TECRL: variants seen among roughly 807,000 people sequenced by gnomAD.
TECRL encodes the protein trans-2,3-enoyl-CoA reductase-like.
In TECRL, 63 loss-of-function variants were observed where a neutral mutation model predicts 52.8. The ratio of observed to expected loss-of-function variants is 1.19; its 90% CI spans 0.97 to 1.47. The LOEUF (loss-of-function observed/expected upper bound fraction) is 1.47. TECRL is among the 40% of genes most tolerant of loss of function. The pLI is 0.00. For synonymous variants in TECRL, 164 were observed against 141.9 expected, an observed-to-expected ratio of 1.16 and a Z score of -1.10; for missense variants, 482 against 429.6, an observed-to-expected ratio of 1.12 and a Z score of -1.08.
At chr4:64,276,440 G>C (rs928097411), downstream of TECRL, 5 of 151,720 alleles carry the variant, frequency 3.3e-5, no homozygotes, top group African/African-American at 1.2e-4. Context: ...TTTGTATAAT[G>C]TGTGTATATA....
chr4:64,331,200 C>G (rs1718615314), intron 2 of TECRL, among the ~76,000 whole-genome samples: 2 of 152,010 alleles, frequency 1.3e-5, no homozygotes, highest in Non-Finnish European at 2.9e-5. Flanking sequence ...CAATCTCTGC[C>G]TGTTCAAAGA....
intron 1 of TECRL, among the ~76,000 whole-genome samples, chr4:64,382,796 T>C (rs1391420304): frequency 6.6e-6 from 1 of 152,144 alleles, no homozygotes; most frequent in Non-Finnish European, 1.5e-5. Flanking sequence ...TTCTTTTTTT[T>C]CTTACTATCA....
intron 8 of TECRL, among the ~76,000 whole-genome samples, chr4:64,291,977 G>A (rs1421012359): frequency 6.6e-6 from 1 of 151,938 alleles, no homozygotes; most frequent in South Asian, 2.1e-4. Flanking sequence ...GGATTTTAAA[G>A]AGCAATAATA....
chr4:64,402,647 G>T (rs1649552980), intron 1 of TECRL, among the ~76,000 whole-genome samples: 1 of 151,942 alleles, frequency 6.6e-6, no homozygotes, highest in Non-Finnish European at 1.5e-5. Flanking sequence ...TGAAACTCAA[G>T]AAATAAAAAT....
intron 8 of TECRL, among the ~76,000 whole-genome samples, chr4:64,297,744 A>G (rs887251315): frequency 1.3e-5 from 2 of 151,212 alleles, no homozygotes; most frequent in Admixed American, 6.6e-5. Context: ...GCAGAATATT[A>G]TGCTTTCAAT....
In TECRL at chr4:64,409,403, G is replaced by A. The variant is rs759028826; in HGVS notation, c.-52C>T. ...ATGTCAAAAGTAGAAAATTGCAAGTGTGTTCCTTTTGCATCAGTTAAATAC... is the reference window on the plus strand; with the variant it reads ...ATGTCAAAAGTAGAAAATTGCAAGTATGTTCCTTTTGCATCAGTTAAATAC... On this transcript the variant is annotated 5_prime_UTR_variant, in exon 1 of 12. Transcript: ENST00000381210. 22 of 1,589,374 alleles carry A rather than the reference G, an allele frequency of 1.4e-5. No homozygotes were observed. The highest frequency in any genetic ancestry group is 1.8e-5 in the Non-Finnish European group (21 of 1,167,068).
chr4:64,315,222 C>A (rs953215808), intron 4 of TECRL, among the ~76,000 whole-genome samples: 15 of 151,986 alleles, frequency 9.9e-5, no homozygotes, highest in African/African-American at 3.4e-4. Context: ...ATTGATTTGA[C>A]TCTAATTCAA....
chr4:64,286,567 G>A (rs908210424), intron 9 of TECRL, among the ~76,000 whole-genome samples: 8 of 150,812 alleles, frequency 5.3e-5, no homozygotes, highest in African/African-American at 1.9e-4. Context: ...CCTACTAGAA[G>A]AGTACCTAGT....
At chr4:64,343,794 T>C (rs1359220972) in intron 2 of TECRL, among the ~76,000 whole-genome samples, 2 of 152,086 alleles carry the variant, frequency 1.3e-5, no homozygotes, top group East Asian at 1.9e-4. Context: ...TGATTGCTGA[T>C]ACATCAGTTT....
intron 2 of TECRL, among the ~76,000 whole-genome samples, chr4:64,368,729 T>G (rs538621273): frequency 6.6e-5 from 10 of 152,212 alleles, no homozygotes; most frequent in African/African-American, 2.4e-4. Context: ...TTTTCTGGCT[T>G]TTTTTGTTAA....
intron 1 of TECRL, among the ~76,000 whole-genome samples, chr4:64,401,580 T>G (rs1361650512): frequency 2.0e-5 from 3 of 152,192 alleles, no homozygotes; most frequent in African/African-American, 7.2e-5. Flanking sequence ...ATTTATTATA[T>G]TGTAATTTGT....
At chr4:64,338,256 C>T (rs1719267611) in intron 2 of TECRL, among the ~76,000 whole-genome samples, 1 of 152,140 alleles carries the variant, frequency 6.6e-6, no homozygotes, top group South Asian at 2.1e-4. Context: ...TGGATCCCTT[C>T]CTTACACCTT....
intron 2 of TECRL, among the ~76,000 whole-genome samples, chr4:64,343,626 A>G (rs929186969): frequency 3.9e-5 from 6 of 152,034 alleles, no homozygotes; most frequent in Non-Finnish European, 7.4e-5. Context: ...CATTCTTTCC[A>G]GGCAAATTTA....
intron 1 of TECRL, among the ~76,000 whole-genome samples, chr4:64,377,166 C>A (rs775824953): frequency 5.3e-5 from 8 of 151,976 alleles, no homozygotes; most frequent in Non-Finnish European, 8.8e-5. Flanking sequence ...TTGACTTTCA[C>A]TTGTTAGAAA....
intron 2 of TECRL, among the ~76,000 whole-genome samples, chr4:64,358,906 G>A (rs142910756): frequency 8.6e-5 from 13 of 151,754 alleles, no homozygotes; most frequent in Admixed American, 1.3e-4. Context: ...TTTAGGAAAC[G>A]TGAAAAATAA....
chr4:64,327,713 C>T (rs547233776), intron 3 of TECRL, among the ~76,000 whole-genome samples: 8 of 151,870 alleles, frequency 5.3e-5, no homozygotes, highest in Admixed American at 3.3e-4. Flanking sequence ...TGAAAACACT[C>T]GTAACAGTTT....
chr4:64,346,822 T>C (rs994045708), intron 2 of TECRL, among the ~76,000 whole-genome samples: 1 of 152,248 alleles, frequency 6.6e-6, no homozygotes, highest in African/African-American at 2.4e-5. Context: ...AAGTTTCTCC[T>C]AGTCTCCTGG....
intron 2 of TECRL, among the ~76,000 whole-genome samples, chr4:64,334,679 A>C (rs1718916108): frequency 6.6e-6 from 1 of 152,228 alleles, no homozygotes; most frequent in Non-Finnish European, 1.5e-5. Context: ...AAACAAAGAC[A>C]TGCTTCTGGA....
chr4:64,369,744 G>A (rs934342876), intron 2 of TECRL, among the ~76,000 whole-genome samples: 6 of 151,832 alleles, frequency 4.0e-5, no homozygotes, highest in Admixed American at 3.9e-4. Flanking sequence ...AATGATCATA[G>A]TATTGTCACA....
Sources: gnomAD v4.1 joint callset for allele counts (sites outside exome capture counted in the v4.1 genomes callset) on GRCh38, gnomAD v4.1.1 for gene constraint, MANE v1.5 for transcripts, NCBI Gene and HGNC (gene_info 2026-07-23, HGNC 2026-07-21) for gene names.